SLC14A2: variants seen among roughly 807,000 people sequenced by gnomAD.
SLC14A2 encodes solute carrier family 14 member 2.
Under a neutral mutation model 104.6 loss-of-function variants are expected in SLC14A2, and 91 were observed. That is an observed-to-expected ratio of 0.87 (90% CI 0.73 to 1.04). The LOEUF (loss-of-function observed/expected upper bound fraction) is 1.04, where lower values mean the gene tolerates loss of function less well. Among genes scored for constraint, SLC14A2 ranks in the 50% least tolerant of loss-of-function variants. The pLI is 0.00. For missense variants in SLC14A2, 1,189 were observed against 1,156.0 expected, an observed-to-expected ratio of 1.03 and a Z score of -0.41; for synonymous variants, 476 against 466.4, an observed-to-expected ratio of 1.02 and a Z score of -0.27.
chr18:45,274,514 C>G (rs1425020574), intron 1 of SLC14A2, among the ~76,000 whole-genome samples: 1 of 152,156 alleles, frequency 6.6e-6, no homozygotes, highest in Non-Finnish European at 1.5e-5. Flanking sequence ...TTCCAAATCT[C>G]TGATTACTCC....
chr18:45,479,945 A>T (rs1446799378), intron 1 of SLC14A2, among the ~76,000 whole-genome samples: 1 of 152,148 alleles, frequency 6.6e-6, no homozygotes, highest in African/African-American at 2.4e-5. Context: ...CGTAAATTCC[A>T]TGAGGGTCTT....
the SLC14A2 span, among the ~76,000 whole-genome samples, chr18:45,192,071 G>A: frequency 6.6e-6 from 1 of 152,044 alleles, no homozygotes; most frequent in Admixed American, 6.6e-5. Context: ...TATTTTTCTT[G>A]TCTCAGCTTT....
intron 2 of SLC14A2, among the ~76,000 whole-genome samples, chr18:45,523,711 A>T (rs1413997575): frequency 1.3e-5 from 2 of 151,946 alleles, no homozygotes; most frequent in African/African-American, 4.8e-5. Flanking sequence ...TCCTGCCTGT[A>T]ACCCTCCCCA....
intron 1 of SLC14A2, chr18:45,424,280 T>A (rs966329501): frequency 1.3e-5 from 2 of 152,210 alleles, no homozygotes; most frequent in African/African-American, 4.8e-5. Flanking sequence ...CTACATGACT[T>A]TTCGGAGCCT....
the SLC14A2 span, among the ~76,000 whole-genome samples, chr18:45,203,583 T>C: frequency 6.6e-6 from 1 of 152,202 alleles, no homozygotes; most frequent in South Asian, 2.1e-4. Context: ...ATATCTGACA[T>C]GCTTGTTAGC....
chr18:45,634,133 C>A (rs1429717547), intron 5 of SLC14A2, among the ~76,000 whole-genome samples: 1 of 152,174 alleles, frequency 6.6e-6, no homozygotes, highest in Non-Finnish European at 1.5e-5. Context: ...GGGCTCTGTG[C>A]TACTACTCCA....
At chr18:45,242,778 C>T (rs943452767) in intron 1 of SLC14A2, among the ~76,000 whole-genome samples, 1 of 152,186 alleles carries the variant, frequency 6.6e-6, no homozygotes, top group African/African-American at 2.4e-5. Context: ...ACCCTATTTT[C>T]AAAGAGTGAG....
chr18:45,239,772 A>G (rs1026932990), intron 1 of SLC14A2, among the ~76,000 whole-genome samples: 7 of 152,208 alleles, frequency 4.6e-5, no homozygotes, highest in Non-Finnish European at 1.0e-4. Flanking sequence ...GAAAAACAAA[A>G]TGCAAAATTT....
At chr18:45,312,709 G>C (rs749387550) in intron 1 of SLC14A2, among the ~76,000 whole-genome samples, 104 of 152,374 alleles carry the variant, frequency 6.8e-4, no homozygotes, top group Admixed American at 3.3e-3. Context: ...GGTTAGTGCA[G>C]AATTTAATTT....
chr18:45,608,491 G>T (rs1437908656), intron 2 of SLC14A2, among the ~76,000 whole-genome samples: 1 of 152,188 alleles, frequency 6.6e-6, no homozygotes, highest in Non-Finnish European at 1.5e-5. Flanking sequence ...TGCTCTTTTT[G>T]TTCCAACTGC....
At chr18:45,609,087 C>T (rs1277296829) in intron 2 of SLC14A2, among the ~76,000 whole-genome samples, 1 of 152,176 alleles carries the variant, frequency 6.6e-6, no homozygotes, top group East Asian at 1.9e-4. Context: ...TCTTTGGAGG[C>T]TCACAGGCTG....
chr18:45,253,336 A>G (rs2084442481), intron 1 of SLC14A2, among the ~76,000 whole-genome samples: 1 of 152,148 alleles, frequency 6.6e-6, no homozygotes, highest in South Asian at 2.1e-4. Context: ...AATAGAAAAC[A>G]CGGTGGACGA....
intron 2 of SLC14A2, among the ~76,000 whole-genome samples, chr18:45,518,854 C>T (rs906163158): frequency 6.6e-6 from 1 of 152,156 alleles, no homozygotes; most frequent in Admixed American, 6.5e-5. Flanking sequence ...AGAGCAAAGG[C>T]CAGGGCAAGC....
chr18:45,636,586 T>C (rs1228785163), intron 5 of SLC14A2, among the ~76,000 whole-genome samples: 2 of 152,236 alleles, frequency 1.3e-5, no homozygotes, highest in African/African-American at 4.8e-5. Flanking sequence ...TAAAATGTTA[T>C]CAGAGCCTTG....
At chr18:45,625,886 G>A in intron 3 of SLC14A2, 23 bp downstream of exon 3, 1 of 1,423,332 alleles carries the variant, frequency 7.0e-7, no homozygotes, top group East Asian at 2.8e-5. Flanking sequence ...CCTGGGGAGA[G>A]GCAGCCAGAC....
chr18:45,637,180 C>T lies in SLC14A2; in HGVS notation c.841C>T (p.Leu281=), dbSNP rs368073289. 1.9e-6 allele frequency: 3 copies of T among 1,613,326 alleles called. No individual in the cohort carries two copies. In the African/African-American group the frequency reaches 4.0e-5, roughly 22 times the overall value. Residue 281 remains leucine, a splice_region_variant and synonymous_variant, in exon 6 of 20, where the codon CTG becomes TTG. Coordinates refer to ENST00000255226, the MANE Select transcript of SLC14A2 (RefSeq NM_007163.4). ...CACCTGGACAGAGATGGAAATGCCCCTGGTAAGTTACCCAGCGGTGATGAG... is the reference window on the plus strand; with the variant it reads ...CACCTGGACAGAGATGGAAATGCCCTTGGTAAGTTACCCAGCGGTGATGAG... ...NITWTEMEMP[L]LLQAIPVGVG... is the part of the protein sequence containing the mutation.
chr18:45,288,724 C>G (rs1478966202), intron 1 of SLC14A2, among the ~76,000 whole-genome samples: 1 of 152,330 alleles, frequency 6.6e-6, no homozygotes, highest in African/African-American at 2.4e-5. Flanking sequence ...CAGTGACTGA[C>G]AGAGCGTCAT....
intron 2 of SLC14A2, among the ~76,000 whole-genome samples, chr18:45,519,997 C>T (rs2043494954): frequency 6.6e-6 from 1 of 152,234 alleles, no homozygotes; most frequent in African/African-American, 2.4e-5. Context: ...GCTACTGCCA[C>T]TTTCACACAC....
chr18:45,281,035 C>A (rs909365221), intron 1 of SLC14A2, among the ~76,000 whole-genome samples: 1 of 152,156 alleles, frequency 6.6e-6, no homozygotes, highest in Non-Finnish European at 1.5e-5. Flanking sequence ...CCCTCTTTGG[C>A]GCTGTCCCTT....
Sources: allele counts gnomAD v4.1 joint callset (sites outside exome capture counted in the v4.1 genomes callset), GRCh38; gene constraint gnomAD v4.1.1; transcripts MANE v1.5; gene names NCBI Gene and HGNC (gene_info 2026-07-23, HGNC 2026-07-21).